Variants in ABHD2 observed in about 807,000 individuals in gnomAD.
ABHD2 encodes abhydrolase domain containing 2, acylglycerol lipase, also known as monoacylglycerol lipase ABHD2.
ABHD2 carries 20 observed loss-of-function variants against 48.1 expected under a neutral mutation model. The observed-to-expected ratio is 0.42, with a 90% confidence interval of 0.29 to 0.60. ABHD2 has a LOEUF of 0.60. Among genes scored for constraint, ABHD2 ranks in the 20% least tolerant of loss-of-function variants. ABHD2 has a pLI of 0.24. For missense variants in ABHD2, 405 were observed against 550.9 expected (o/e 0.74, Z 2.65); for synonymous variants, 209 against 214.2 (o/e 0.98, Z 0.21).
chr15:89,115,263 G>A (rs2049936542), intron 2 of ABHD2, among the ~76,000 whole-genome samples: 1 of 151,998 alleles, frequency 6.6e-6, no homozygotes, highest in African/African-American at 2.4e-5. Context: ...GATTTTTAAG[G>A]TTAACAGCTG....
At chr15:89,110,938 T>C (rs1216634004) in intron 1 of ABHD2, among the ~76,000 whole-genome samples, 1 of 152,224 alleles carries the variant, frequency 6.6e-6, no homozygotes, top group Non-Finnish European at 1.5e-5. Flanking sequence ...AATAATTCTG[T>C]GCCAGATAAG....
intron 3 of ABHD2, among the ~76,000 whole-genome samples, chr15:89,117,181 A>G (rs1397008140): frequency 1.3e-5 from 2 of 152,188 alleles, no homozygotes; most frequent in Non-Finnish European, 2.9e-5. Context: ...GTGCTCCACC[A>G]TGCCCGGCTA....
At chr15:89,115,845 C>T (rs28524908) in intron 2 of ABHD2, among the ~76,000 whole-genome samples, 1 of 152,172 alleles carries the variant, frequency 6.6e-6, no homozygotes, top group African/African-American at 2.4e-5. Flanking sequence ...TTCCGGGTTT[C>T]TGTTCAAGGC....
intron 3 of ABHD2, among the ~76,000 whole-genome samples, chr15:89,124,110 G>A (rs910134201): frequency 2.0e-5 from 3 of 152,112 alleles, no homozygotes; most frequent in South Asian, 2.1e-4. Context: ...TTTTGTCCTA[G>A]TGTACCAAGG....
chr15:89,128,083 T>G (rs922767007), intron 3 of ABHD2, among the ~76,000 whole-genome samples: 2 of 152,216 alleles, frequency 1.3e-5, no homozygotes, highest in South Asian at 2.1e-4. Context: ...GGTTGCTGCT[T>G]CTTGTAGAGT....
In ABHD2 at chr15:89,201,249, C is replaced by G; in HGVS notation, c.*5826C>G. On this transcript the variant is annotated 3_prime_UTR_variant, in exon 11 of 11. Coordinates refer to ENST00000352732, the MANE Select transcript of ABHD2 (RefSeq NM_152924.5). ...TCATCTCTCAGGTGTTGATTTGCTT[C>G]TGATAGCTTCATCATTTCTCCCTGA... The G allele has an allele frequency of 8.0e-7, 1 of 1,252,258 alleles. No homozygotes were observed. Among genetic ancestry groups the G allele is most frequent in the Non-Finnish European group, 1.2e-6 (1 of 867,762 alleles). The allele number at this position is 1,252,258 out of a possible 1,614,324, so 77.6% of individuals were successfully genotyped here. A position where few individuals can be genotyped will look rare whatever the true frequency, so the allele number is the denominator to read the frequency against.
chr15:89,093,039 C>A (rs1454971517), intron 1 of ABHD2, among the ~76,000 whole-genome samples: 1 of 150,888 alleles, frequency 6.6e-6, no homozygotes, highest in Non-Finnish European at 1.5e-5. Flanking sequence ...ACGCATTGGT[C>A]CTTGGGCCCT....
At chr15:89,075,419 G>A in the ABHD2 span, 14,523 of 152,442 alleles carry the variant, frequency 0.095, 957 homozygotes, top group South Asian at 0.25. The surrounding 1 kb of genome is among the most constrained non-coding windows in gnomAD (Gnocchi z 4.1). Context: ...AAGTGTGTGG[G>A]TGAGTAGTCC....
the ABHD2 span, among the ~76,000 whole-genome samples, chr15:89,054,313 C>A: frequency 8.0e-6 from 1 of 125,720 alleles, no homozygotes; most frequent in African/African-American, 3.1e-5. Context: ...CAGGGCAAGA[C>A]TCTGTCTCAA....
At position 89,175,872 on chromosome 15, in the gene ABHD2, A is replaced by T. The variant is rs2051003688; in HGVS notation, c.599A>T (p.Gln200Leu). The T allele has an allele frequency of 6.2e-7, 1 of 1,614,104 alleles. No individual in the cohort carries two copies. The highest frequency in any genetic ancestry group is 8.5e-7 in the Non-Finnish European group (1 of 1,180,002). ...ATCAAGAAGACATATCCCCTGACCC[A>T]GCTGGTCGTCGTGGGCTTCAGCCTG... ...NYIKKTYPLTQLVVVGFSLGG... is the reference protein window; with the variant it reads ...NYIKKTYPLTLLVVVGFSLGG... Residue 200 changes from glutamine to leucine, a missense_variant, in exon 6 of 11, where the codon CAG becomes CTG. Transcript: ENST00000352732. This position sits in a 1 kb window ranked among gnomAD's most constrained non-coding sequence, Gnocchi z 5.7.
intron 3 of ABHD2, among the ~76,000 whole-genome samples, chr15:89,139,897 C>G (rs978630950): frequency 6.6e-6 from 1 of 152,192 alleles, no homozygotes; most frequent in Non-Finnish European, 1.5e-5. Context: ...ACCGGAGTTT[C>G]AGCACGCAGC....
At chr15:89,049,264 A>T in the ABHD2 span, among the ~76,000 whole-genome samples, 1 of 152,184 alleles carries the variant, frequency 6.6e-6, no homozygotes, top group Non-Finnish European at 1.5e-5. Flanking sequence ...CTCCAGCTGC[A>T]TGCTGGGAGA....
At chr15:89,181,243 A>AG (rs2051108432) in intron 6 of ABHD2, among the ~76,000 whole-genome samples, 1 of 151,536 alleles carries the variant, frequency 6.6e-6, no homozygotes, top group Admixed American at 6.6e-5. Context: ...AAAAAAAAAA[A>AG]AAAAAAACAA....
At chr15:89,049,991 A>G in the ABHD2 span, among the ~76,000 whole-genome samples, 22,598 of 152,250 alleles carry the variant, frequency 0.15, 1,836 homozygotes, top group South Asian at 0.31. Flanking sequence ...AGCAGAAAAT[A>G]AAAGTTGCCC....
chr15:89,191,336 G>C (rs2051301531), intron 9 of ABHD2, among the ~76,000 whole-genome samples, 187 bp downstream of exon 9: 1 of 152,154 alleles, frequency 6.6e-6, no homozygotes, highest in South Asian at 2.1e-4. Flanking sequence ...ATTAATCCCA[G>C]AGCTGCCCCT....
intron 1 of ABHD2, among the ~76,000 whole-genome samples, chr15:89,105,256 T>C (rs2049766193): frequency 6.6e-6 from 1 of 152,248 alleles, no homozygotes; most frequent in South Asian, 2.1e-4. Flanking sequence ...CGATTAAATG[T>C]TCCTGTTTAA....
chr15:89,088,199 C>A (rs1019528952), upstream of ABHD2: 2 of 152,376 alleles, frequency 1.3e-5, no homozygotes, highest in African/African-American at 4.8e-5. This position sits in a 1 kb window ranked among gnomAD's most constrained non-coding sequence, Gnocchi z 6.8. Flanking sequence ...TATCCAGTAG[C>A]GTCTGGGTCC....
In ABHD2 at chr15:89,167,991, G is replaced by A. The variant is rs1277142409; in HGVS notation, c.539-7821G>A. On this transcript the variant is annotated intron_variant, in intron 5 of 10. Coordinates refer to ENST00000352732, the MANE Select transcript of ABHD2 (RefSeq NM_152924.5). This position sits in a 1 kb window ranked among gnomAD's most constrained non-coding sequence, Gnocchi z 5.5. ...CCTTCTTATCCACCTGACATTTTGT[G>A]GCATATCCACAGATGCCATGCATGG... Among the ~76,000 whole-genome samples the A allele has an allele frequency of 6.6e-6, 1 of 152,166 alleles. No individual in the cohort carries two copies. The highest frequency in any genetic ancestry group is 2.4e-5 in the African/African-American group (1 of 41,440).
At chr15:89,065,391 C>A in the ABHD2 span, among the ~76,000 whole-genome samples, 1 of 152,148 alleles carries the variant, frequency 6.6e-6, no homozygotes, top group Non-Finnish European at 1.5e-5. Flanking sequence ...TTGTCCAGGG[C>A]AGACTTGGGC....
Sources: allele counts gnomAD v4.1 joint callset (sites outside exome capture counted in the v4.1 genomes callset), GRCh38; gene constraint gnomAD v4.1.1; non-coding constraint Gnocchi (gnomAD v3.1); transcripts MANE v1.5; gene names NCBI Gene and HGNC (gene_info 2026-07-23, HGNC 2026-07-21).